BLNK: variants seen among roughly 807,000 people sequenced by gnomAD.
BLNK encodes B cell linker, also known as B-cell linker protein.
Under a neutral mutation model 73.5 loss-of-function variants are expected in BLNK, and 29 were observed. That is an observed-to-expected ratio of 0.39 (90% CI 0.29 to 0.54). The LOEUF is 0.54. Ranked by LOEUF, BLNK falls within the 20% of genes least tolerant of loss-of-function variation. The pLI is 0.61. For synonymous variants in BLNK, 176 were observed against 200.8 expected (o/e 0.88, Z 1.04); for missense variants, 460 against 562.8 (o/e 0.82, Z 1.85).
intron 5 of BLNK, among the ~76,000 whole-genome samples, chr10:96,226,109 TG>T (rs1554902428): frequency 1.3e-5 from 2 of 152,202 alleles, no homozygotes; most frequent in African/African-American, 4.8e-5. Flanking sequence ...AGCCCTGGCT[TG>T]TATCCCAGCT....
At chr10:96,244,875 A>G (rs1439868313) in intron 2 of BLNK, among the ~76,000 whole-genome samples, 1 of 152,050 alleles carries the variant, frequency 6.6e-6, no homozygotes, top group African/African-American at 2.4e-5. Context: ...GTTATTGAGA[A>G]CTGGTGTATT....
chr10:96,212,425 CATGAT>C (rs1554898845), intron 8 of BLNK, among the ~76,000 whole-genome samples: 1 of 152,214 alleles, frequency 6.6e-6, no homozygotes, highest in East Asian at 1.9e-4. Flanking sequence ...GGTATCTACT[CATGAT>C]ACCCCTAGGC....
chr10:96,195,699 A>G (rs2083448115), intron 16 of BLNK, among the ~76,000 whole-genome samples: 1 of 152,266 alleles, frequency 6.6e-6, no homozygotes, highest in Admixed American at 6.5e-5. Context: ...TTTTAGTTCT[A>G]TAAGATGAAC....
intron 1 of BLNK, among the ~76,000 whole-genome samples, chr10:96,257,512 A>T (rs1423355028): frequency 6.6e-6 from 1 of 152,248 alleles, no homozygotes; most frequent in African/African-American, 2.4e-5. Context: ...ACAAAGTGCC[A>T]TGTTGGCCAT....
intron 1 of BLNK, among the ~76,000 whole-genome samples, chr10:96,261,070 C>T (rs1843737199): frequency 6.6e-6 from 1 of 152,042 alleles, no homozygotes; most frequent in African/African-American, 2.4e-5. Flanking sequence ...GTCTCAAACT[C>T]CTGAGCTCAA....
chr10:96,194,346 A>G (rs2083404523), intron 16 of BLNK, among the ~76,000 whole-genome samples: 1 of 152,242 alleles, frequency 6.6e-6, no homozygotes, highest in Admixed American at 6.5e-5. Context: ...GCATTTTAAA[A>G]TTATCTGAGA....
chr10:96,195,113 C>T (rs1161385799), intron 16 of BLNK, among the ~76,000 whole-genome samples: 3 of 152,182 alleles, frequency 2.0e-5, no homozygotes, highest in African/African-American at 7.2e-5. Flanking sequence ...TATCACCTTA[C>T]ACCCATTTGG....
intron 7 of BLNK, chr10:96,216,346 G>T (rs587758597): frequency 7.5e-6 from 3 of 402,200 alleles, no homozygotes; most frequent in South Asian, 2.7e-5. Context: ...CATTGTATTA[G>T]GTTTTATGAG....
chr10:96,191,890 T>C lies in BLNK; in HGVS notation c.*83A>G. Reference sequence around the variant, plus strand: ...TTACTGGATGATTCATAATCCAAAATATGAAGTTTTGGGACTTTTTCTCAA... The same window carrying C: ...TTACTGGATGATTCATAATCCAAAACATGAAGTTTTGGGACTTTTTCTCAA... On this transcript the variant is annotated 3_prime_UTR_variant, in exon 17 of 17. Transcript: ENST00000224337. The C allele has an allele frequency of 6.5e-7, 1 of 1,549,722 alleles. No homozygotes were observed. The highest frequency in any genetic ancestry group is 1.1e-5 in the South Asian group (1 of 88,530).
In BLNK at chr10:96,191,464, G is replaced by A. The variant is rs1232886482; in HGVS notation, c.*509C>T. Among the ~76,000 whole-genome samples, 2 of 151,848 alleles carry A rather than the reference G, an allele frequency of 1.3e-5. No homozygotes were observed. The highest frequency in any genetic ancestry group is 4.8e-5 in the African/African-American group (2 of 41,334). ...ATATATATATCCCATGGTTGAGAGT[G>A]CTCACAAAAAGGAACCATTACATCC... On this transcript the variant is annotated 3_prime_UTR_variant, in exon 17 of 17. Transcript: ENST00000224337.
chr10:96,231,882 C>T (rs138760943), intron 3 of BLNK, among the ~76,000 whole-genome samples: 1 of 152,220 alleles, frequency 6.6e-6, no homozygotes, highest in Non-Finnish European at 1.5e-5. Flanking sequence ...GCTGAGCCCC[C>T]ACATGGTGCT....
chr10:96,228,266 A>AT (rs1350579481), intron 4 of BLNK, among the ~76,000 whole-genome samples: 13 of 149,724 alleles, frequency 8.7e-5, no homozygotes, highest in East Asian at 5.9e-4. Flanking sequence ...TGCCTGGCTA[A>AT]TTTTTTTTTG....
chr10:96,244,825 T>C lies in BLNK; in HGVS notation c.114-2041A>G, dbSNP rs144663609. On this transcript the variant is annotated intron_variant, in intron 2 of 16. Transcript: ENST00000224337. Reference sequence around the variant, plus strand: ...GCTCCACAGCTGCTGTAAATATGACTGGCTATGGAATAGAGAGACATTTTA... The same window carrying C: ...GCTCCACAGCTGCTGTAAATATGACCGGCTATGGAATAGAGAGACATTTTA... 2.7e-3 allele frequency among the ~76,000 whole-genome samples: 408 copies of C among 152,248 alleles called. 7 individuals are homozygous for C. The highest frequency in any genetic ancestry group is 6.3e-4 in the Non-Finnish European group (43 of 68,018).
At chr10:96,255,825 C>G (rs1482911706) in intron 1 of BLNK, among the ~76,000 whole-genome samples, 1 of 152,158 alleles carries the variant, frequency 6.6e-6, no homozygotes, top group African/African-American at 2.4e-5. Flanking sequence ...GTTAGGGCCT[C>G]TTTCAGCAAA....
rs587647834 is a variant in BLNK at position 96,241,358 on chromosome 10, T to A, written c.163+1377A>T. On this transcript the variant is annotated intron_variant, in intron 3 of 16. Coordinates refer to ENST00000224337, the MANE Select transcript of BLNK (RefSeq NM_013314.4). ...TAATTAATGCTATAGAAAGAGATTTTAAAACTATCTTCCAACGTATTTGTT... is the reference window on the plus strand; with the variant it reads ...TAATTAATGCTATAGAAAGAGATTTAAAAACTATCTTCCAACGTATTTGTT... Among the ~76,000 whole-genome samples, 9 of 152,376 alleles carry A rather than the reference T, an allele frequency of 5.9e-5. No individual in the cohort carries two copies. In the South Asian group the frequency reaches 1.7e-3, roughly 28 times the overall value.
At chr10:96,251,040 A>C (rs1156955639) in intron 1 of BLNK, among the ~76,000 whole-genome samples, 1 of 152,216 alleles carries the variant, frequency 6.6e-6, no homozygotes, top group African/African-American at 2.4e-5. Context: ...ACACATTCCA[A>C]ATCTTTTCGT....
chr10:96,203,921 T>C (rs1397127641), intron 13 of BLNK, 136 bp downstream of exon 13: 1 of 644,384 alleles, frequency 1.6e-6, no homozygotes, highest in African/African-American at 1.8e-5. Context: ...ATTTTACAGG[T>C]AAGGAAACAA....
intron 1 of BLNK, among the ~76,000 whole-genome samples, chr10:96,270,027 G>A (rs17111548): frequency 0.097 from 14,583 of 150,990 alleles, 2,214 homozygotes; most frequent in African/African-American, 0.33. Context: ...TCCTTCTGTC[G>A]CTTACAGCTT....
rs1007059673 is a variant in BLNK, at chr10:96,191,190, T to G, written c.*783A>C. Among the ~76,000 whole-genome samples, 1 of 152,002 alleles carries G rather than the reference T, an allele frequency of 6.6e-6. No homozygotes were observed. The highest frequency in any genetic ancestry group is 2.4e-5 in the African/African-American group (1 of 41,392). ...CTTCTTCTTTGCCTTCTGCCATGAT[T>G]GTGAGGCCTCCCCAACCATGTGGAA... is the stretch of plus-strand genomic sequence containing the variant. On this transcript the variant is annotated 3_prime_UTR_variant, in exon 17 of 17. Coordinates refer to ENST00000224337, the MANE Select transcript of BLNK (RefSeq NM_013314.4).
Sources: gnomAD v4.1 joint callset for allele counts (sites outside exome capture counted in the v4.1 genomes callset) on GRCh38, gnomAD v4.1.1 for gene constraint, MANE v1.5 for transcripts, NCBI Gene and HGNC (gene_info 2026-07-23, HGNC 2026-07-21) for gene names.